USP24: variants seen among roughly 807,000 people sequenced by gnomAD.
The protein encoded by USP24 is ubiquitin specific peptidase 24.
In USP24, 97 loss-of-function variants were observed where a neutral mutation model predicts 361.6. The observed-to-expected ratio is 0.27, with a 90% CI of 0.23 to 0.32. USP24 has a LOEUF of 0.32. USP24 is among the 10% of genes least tolerant of loss of function. The probability of loss-of-function intolerance (pLI) is 1.00; values close to 1 mark genes in which losing one functional copy is unlikely to be tolerated. For synonymous variants in USP24, 1,098 were observed against 1,124.6 expected (o/e 0.98, Z 0.47); for missense variants, 2,353 against 3,165.6 (o/e 0.74, Z 6.16).
At chr1:55,080,662 G>A (rs1645131478) in intron 59 of USP24, among the ~76,000 whole-genome samples, 1 of 152,118 alleles carries the variant, frequency 6.6e-6, no homozygotes, top group African/African-American at 2.4e-5. Flanking sequence ...TATTACTATG[G>A]TTGTTGTCAC....
intron 67 of USP24, among the ~76,000 whole-genome samples, chr1:55,070,689 G>A (rs1002496598): frequency 6.6e-6 from 1 of 152,180 alleles, no homozygotes; most frequent in Non-Finnish European, 1.5e-5. Flanking sequence ...GGGCAACAGG[G>A]AGAAGAGAGG....
At chr1:55,101,445 C>T (rs1480413603) in intron 43 of USP24, 139 bp downstream of exon 43, 5 of 1,162,674 alleles carry the variant, frequency 4.3e-6, no homozygotes, top group Non-Finnish European at 1.2e-6. Flanking sequence ...CATGTCTTTA[C>T]ACATTTCAGG....
At chr1:55,161,747 C>T (rs1297463037) in intron 8 of USP24, among the ~76,000 whole-genome samples, 1 of 152,120 alleles carries the variant, frequency 6.6e-6, no homozygotes, top group Non-Finnish European at 1.5e-5. Context: ...TGCTGACTTA[C>T]AATCCTACGG....
rs545260513 is a variant in USP24, at chr1:55,183,741, A to G, written c.325-5609T>C. Reference sequence around the variant, plus strand: ...AATGAATTTTTAAAATATATTATACAACCATATGCTGTCTACATCAAACAC... The same window carrying G: ...AATGAATTTTTAAAATATATTATACGACCATATGCTGTCTACATCAAACAC... On this transcript the variant is annotated intron_variant, in intron 1 of 67. Coordinates refer to ENST00000294383, the MANE Select transcript of USP24 (RefSeq NM_015306.3). 1.9e-4 allele frequency among the ~76,000 whole-genome samples: 29 copies of G among 152,300 alleles called. No homozygotes were observed. In the South Asian group the frequency reaches 5.6e-3, roughly 29 times the overall value.
At chr1:55,191,889 A>C (rs1338916620) in intron 1 of USP24, among the ~76,000 whole-genome samples, 1 of 152,206 alleles carries the variant, frequency 6.6e-6, no homozygotes, top group Non-Finnish European at 1.5e-5. Flanking sequence ...AAGATCTTTA[A>C]GTTTAAAATA....
intron 5 of USP24, among the ~76,000 whole-genome samples, chr1:55,171,306 G>A (rs1335115578): frequency 6.6e-5 from 10 of 152,046 alleles, no homozygotes. Context: ...AATAGATGAC[G>A]CTAAAGACAT....
intron 23 of USP24, 49 bp downstream of exon 23, chr1:55,142,692 GA>G (rs766108331): frequency 2.2e-5 from 27 of 1,236,608 alleles, no homozygotes; most frequent in South Asian, 3.0e-5. Flanking sequence ...AATTATGAAA[GA>G]AAAAAAGCAT....
chr1:55,138,914 C>T (rs1338232580), intron 25 of USP24, 30 bp downstream of exon 25: 1 of 1,604,762 alleles, frequency 6.2e-7, no homozygotes, highest in South Asian at 1.1e-5. Context: ...GCCTAAGCAA[C>T]ATACATCTTA....
rs1017847980 is a variant in USP24 at position 55,107,859 on chromosome 1, A to C, written c.4571-429T>G. 1.2e-3 allele frequency among the ~76,000 whole-genome samples: 173 copies of C among 149,988 alleles called. 1 individual carries two copies. The highest frequency in any genetic ancestry group is 3.9e-3 in the African/African-American group (160 of 40,828). On this transcript the variant is annotated intron_variant, in intron 39 of 67. Coordinates refer to ENST00000294383, the MANE Select transcript of USP24 (RefSeq NM_015306.3). ...TCTGTCTCAAAAAAAAAAAAAAAAA[A>C]AAAAAAACACACAAAAACCCCACAA...
At position 55,078,664 on chromosome 1, in the gene USP24, CA is replaced by C; in HGVS notation, c.7201-14del. ...AAGCAAACATTACCTGGTGGGAAGACATAACACAGTCAGCTATTCTCATGTC... is the reference window on the plus strand; with the variant it reads ...AAGCAAACATTACCTGGTGGGAAGACTAACACAGTCAGCTATTCTCATGTC... On this transcript the variant is annotated splice_polypyrimidine_tract_variant and intron_variant, in intron 60 of 67. Transcript: ENST00000294383. 1 of 1,591,446 alleles carries C rather than the reference CA, an allele frequency of 6.3e-7. No individual in the cohort carries two copies. The highest frequency in any genetic ancestry group is 8.5e-7 in the Non-Finnish European group (1 of 1,171,588).
intron 17 of USP24, 27 bp downstream of exon 17, chr1:55,148,436 A>G (rs750788858): frequency 2.7e-6 from 4 of 1,494,278 alleles, no homozygotes; most frequent in Non-Finnish European, 3.6e-6. Flanking sequence ...AAGTAACTAT[A>G]ATAATAAAAA....
chr1:55,157,348 C>T lies in USP24; in HGVS notation c.1250G>A (p.Ser417Asn), dbSNP rs1290915191. Residue 417 changes from serine (S) to asparagine (N), a missense_variant, in exon 11 of 68, where the codon AGC becomes AAC. Ser to Asn is a conservative substitution (Grantham distance 46, BLOSUM62 1). This residue lies in a region of USP24 where 386 missense variants were observed against 560.5 expected (regional missense o/e 0.69). Transcript: ENST00000294383. ...LKEVTKLIED[S>N]TLSKSVKNAI... ...ATTCTTCACAGATTTGGATAAAGTG[C>T]TATCTTCTATTAGTTTGGTTACCTA... 6.3e-7 allele frequency: 1 copy of T among 1,590,144 alleles called. No homozygotes were observed. The highest frequency in any genetic ancestry group is 8.5e-7 in the Non-Finnish European group (1 of 1,172,136).
chr1:55,070,396 A>AGGTTTT (rs1644897197), intron 67 of USP24, among the ~76,000 whole-genome samples: 1 of 152,172 alleles, frequency 6.6e-6, no homozygotes, highest in African/African-American at 2.4e-5. Flanking sequence ...CAGAGAAGGA[A>AGGTTTT]CAGCCAGAAG....
At chr1:55,083,987 A>G (rs1353060699) in intron 56 of USP24, 99 bp from the exon 57 acceptor site, 28 of 923,112 alleles carry the variant, frequency 3.0e-5, no homozygotes, top group Admixed American at 5.4e-5. Flanking sequence ...GAACAAAAGG[A>G]AAGTCTGATA....
chr1:55,098,004 A>T lies in USP24; in HGVS notation c.5534T>A (p.Phe1845Tyr). ...CQSLEISLDQ[F>Y]VRGEVLEGSN... The stretch of plus-strand genomic sequence containing the variant: ...TCCTTCTAGAACTTCTCCTCTAACA[A>T]ATTGGTCCAAAGAAATTTCCAAACT... Residue 1845 changes from phenylalanine to tyrosine, a missense_variant, in exon 47 of 68, where the codon TTT (phenylalanine) becomes TAT (tyrosine). Phe to Tyr is a conservative substitution (Grantham distance 22). Transcript: ENST00000294383. 1 of 1,613,602 alleles carries T rather than the reference A, an allele frequency of 6.2e-7. No individual in the cohort carries two copies. The highest frequency in any genetic ancestry group is 8.5e-7 in the Non-Finnish European group (1 of 1,179,754).
intron 1 of USP24, 106 bp downstream of exon 1, chr1:55,214,684 C>T: frequency 1.0e-6 from 1 of 965,938 alleles, no homozygotes; most frequent in Non-Finnish European, 1.3e-6. Context: ...ACTAAAGCCC[C>T]AGTCGAATGC....
At chr1:55,174,911 C>T (rs749393648) in intron 3 of USP24, among the ~76,000 whole-genome samples, 10 of 152,144 alleles carry the variant, frequency 6.6e-5, no homozygotes, top group Non-Finnish European at 1.5e-4. Flanking sequence ...GATTATAGTG[C>T]GAAGCACTGG....
intron 16 of USP24, among the ~76,000 whole-genome samples, chr1:55,149,214 G>A (rs537534997): frequency 6.6e-6 from 1 of 152,244 alleles, no homozygotes; most frequent in African/African-American, 2.4e-5. Flanking sequence ...TCATAGTACA[G>A]ATCTAAAAAG....
chr1:55,111,163 A>G (rs1236659992), intron 38 of USP24, among the ~76,000 whole-genome samples: 1 of 151,984 alleles, frequency 6.6e-6, no homozygotes, highest in African/African-American at 2.4e-5. Context: ...GCATGCAACT[A>G]TCATCATCAT....
Sources: allele counts gnomAD v4.1 joint callset (sites outside exome capture counted in the v4.1 genomes callset), GRCh38; gene constraint gnomAD v4.1.1; regional missense constraint gnomAD v4.1.1; transcripts MANE v1.5; gene names NCBI Gene and HGNC (gene_info 2026-07-23, HGNC 2026-07-21).